The following A4GALT variants were observed in gnomAD, a reference collection of about 807,000 sequenced individuals.
A4GALT encodes the protein alpha 1,4-galactosyltransferase (P1PK blood group), also known as lactosylceramide 4-alpha-galactosyltransferase.
For missense variants in A4GALT, 512 were observed against 486.0 expected (o/e 1.05, Z -0.50); for synonymous variants, 257 against 220.7 (o/e 1.16, Z -1.46).
Position 42,694,014 on chromosome 22 carries a change from C to G in A4GALT, c.-46-17G>C. On this transcript the variant is annotated splice_polypyrimidine_tract_variant and intron_variant, in intron 2 of 2. Transcript: ENST00000642412. The stretch of plus-strand genomic sequence containing the variant: ...CCGGCTGGTCTGCAAGAGATGAGCA[C>G]CCGCCATCAGGGAGGCCGTTGGCAT... 2.8e-6 allele frequency: 4 copies of G among 1,421,156 alleles called. No homozygotes were observed. Among genetic ancestry groups the G allele is most frequent in the Non-Finnish European group, 3.9e-6 (4 of 1,038,562 alleles). The allele number at this position is 1,421,156 out of a possible 1,614,324, so 88.0% of individuals were successfully genotyped here.
intron 1 of A4GALT, among the ~76,000 whole-genome samples, chr22:42,714,868 G>T (rs1275944912): frequency 1.3e-5 from 2 of 152,190 alleles, no homozygotes; most frequent in African/African-American, 4.8e-5. Flanking sequence ...ACTACATACA[G>T]TTGGGTTAGG....
At chr22:42,696,277 G>A (rs1304139738) in intron 1 of A4GALT, among the ~76,000 whole-genome samples, 4 of 149,920 alleles carry the variant, frequency 2.7e-5, no homozygotes, top group African/African-American at 9.8e-5. Flanking sequence ...AAAATTAGCC[G>A]GGCATGGTGG....
chr22:42,704,068 G>A (rs188295549), intron 1 of A4GALT, among the ~76,000 whole-genome samples: 32 of 152,246 alleles, frequency 2.1e-4, no homozygotes, highest in Admixed American at 1.9e-3. Flanking sequence ...ACCCTGCTTG[G>A]AGGACCAAGT....
In A4GALT at chr22:42,693,813, TG is replaced by T; in HGVS notation, c.138del (p.Lys47ArgfsTer18). ...IMIYWHVVGE[P>X]KEKGQLYNLP... ...AGGTTATAGAGCTGCCCTTTCTCCT[TG>T]GGCTCTCCCACAACGTGCCAGTAGA... On this transcript the variant is annotated frameshift_variant, in exon 3 of 3. Transcript: ENST00000642412. LOFTEE classifies it low-confidence loss of function (END_TRUNC). 1 of 1,605,488 alleles carries T rather than the reference TG, an allele frequency of 6.2e-7. No individual in the cohort carries two copies. Among genetic ancestry groups the T allele is most frequent in the Non-Finnish European group, 8.5e-7 (1 of 1,176,266 alleles).
intron 1 of A4GALT, among the ~76,000 whole-genome samples, chr22:42,716,867 G>A (rs1247126575): frequency 6.6e-5 from 10 of 152,184 alleles, no homozygotes; most frequent in African/African-American, 1.7e-4. Flanking sequence ...TCTGGGTCCC[G>A]TAACTATATC....
At chr22:42,696,761 A>T (rs990684343) in intron 1 of A4GALT, among the ~76,000 whole-genome samples, 1 of 151,648 alleles carries the variant, frequency 6.6e-6, no homozygotes, top group Non-Finnish European at 1.5e-5. Flanking sequence ...ACTGGGCCCC[A>T]TGTGTCCCCC....
intron 1 of A4GALT, among the ~76,000 whole-genome samples, chr22:42,720,122 C>T (rs1286702416): frequency 2.6e-5 from 4 of 152,300 alleles, no homozygotes; most frequent in Admixed American, 2.6e-4. Flanking sequence ...CCTCAACCTT[C>T]CCCAGCTGGA....
chr22:42,692,882 C>A lies in A4GALT; in HGVS notation c.*8G>T, dbSNP rs781133686. On this transcript the variant is annotated 3_prime_UTR_variant, in exon 3 of 3. Transcript: ENST00000642412. The surrounding 1 kb of genome is among the most constrained non-coding windows in gnomAD (Gnocchi z 4.6). ...GGAGCAGGTTGGGGAGGTGACCTGG[C>A]GGGCCCCTCACAAGTACATTTTCAT... is the stretch of plus-strand genomic sequence containing the variant. The A allele has an allele frequency of 3.8e-6, 6 of 1,599,490 alleles. No individual in the cohort carries two copies. The East Asian group carries it at 1.3e-4, about 36-fold the overall frequency.
Position 42,693,792 on chromosome 22 carries a change from T to A in A4GALT, c.160A>T (p.Asn54Tyr). The A allele has an allele frequency of 6.2e-7, 1 of 1,602,088 alleles. No homozygotes were observed. Among genetic ancestry groups the A allele is most frequent in the Non-Finnish European group, 8.5e-7 (1 of 1,174,502 alleles). Residue 54 changes from asparagine (N) to tyrosine (Y), a missense_variant, in exon 3 of 3, where the codon AAC becomes TAC. Asn to Tyr is a moderately radical substitution (Grantham distance 143). Coordinates refer to ENST00000642412, the MANE Select transcript of A4GALT (RefSeq NM_017436.7). ...GEPKEKGQLY[N>Y]LPAEIPCPTL... ...GGGCAGGGGATCTCTGCTGGCAGGT[T>A]ATAGAGCTGCCCTTTCTCCTTGGGC...
chr22:42,697,906 C>T (rs1031616748), intron 1 of A4GALT, among the ~76,000 whole-genome samples: 5 of 152,180 alleles, frequency 3.3e-5, no homozygotes, highest in African/African-American at 7.2e-5. Context: ...TGGCTCCCAT[C>T]GCCAGGATTC....
At chr22:42,716,687 G>T (rs201627949) in intron 1 of A4GALT, among the ~76,000 whole-genome samples, 2 of 152,178 alleles carry the variant, frequency 1.3e-5, no homozygotes, top group East Asian at 3.8e-4. Flanking sequence ...TGGCCAAGAG[G>T]AGGTGCTTGA....
intron 1 of A4GALT, among the ~76,000 whole-genome samples, chr22:42,716,158 T>C (rs950680489): frequency 4.6e-5 from 7 of 152,080 alleles, no homozygotes; most frequent in Non-Finnish European, 7.3e-5. Flanking sequence ...AATCTTCAGA[T>C]ATGGAGCCCT....
intron 1 of A4GALT, among the ~76,000 whole-genome samples, chr22:42,706,239 C>A (rs1425319362): frequency 6.7e-6 from 1 of 148,844 alleles, no homozygotes; most frequent in South Asian, 2.1e-4. Context: ...CCTATAGTCC[C>A]AGTTACTCGG....
chr22:42,710,391 A>G (rs985936033), intron 1 of A4GALT, among the ~76,000 whole-genome samples: 1 of 152,176 alleles, frequency 6.6e-6, no homozygotes, highest in African/African-American at 2.4e-5. Context: ...AAACTTAACA[A>G]AAGATATTAA....
At chr22:42,711,874 C>T (rs538764175) in intron 1 of A4GALT, among the ~76,000 whole-genome samples, 6 of 152,166 alleles carry the variant, frequency 3.9e-5, no homozygotes, top group Admixed American at 6.5e-5. Context: ...CCACCCACCT[C>T]GGCCTTCCAA....
intron 2 of A4GALT, among the ~76,000 whole-genome samples, 168 bp from the exon 3 acceptor site, chr22:42,694,165 C>T (rs996488236): frequency 3.3e-5 from 5 of 152,382 alleles, no homozygotes; most frequent in Non-Finnish European, 7.3e-5. Flanking sequence ...TGCTCACCTA[C>T]GAAATGGGAG....
rs1296048741 is a variant in A4GALT, at chr22:42,696,121, C to CAAAAAAA, written c.-187-497_-187-491dup. Among the ~76,000 whole-genome samples the CAAAAAAA allele has an allele frequency of 3.2e-4, 17 of 53,906 alleles. 1 individual carries two copies. The highest frequency in any genetic ancestry group is 3.6e-4 in the African/African-American group (4 of 11,172). 35.4% of individuals were successfully genotyped at this position (53,906 alleles called of 152,430 possible). ...TGGGTGACAGAGCCAGACTCTATCT[C>CAAAAAAA]AAAAAAAAAAAAAAAAAAGCCAGGC... On this transcript the variant is annotated intron_variant, in intron 1 of 2. Transcript: ENST00000642412.
intron 1 of A4GALT, among the ~76,000 whole-genome samples, chr22:42,703,046 A>T (rs1386185593): frequency 2.0e-5 from 3 of 146,630 alleles, no homozygotes; most frequent in Non-Finnish European, 4.4e-5. Context: ...TGGCTGGCAC[A>T]TGCTGCCCTG....
At chr22:42,720,946 G>A (rs1384537127), upstream of A4GALT, 1 of 139,722 alleles carries the variant, frequency 7.2e-6, no homozygotes, top group Non-Finnish European at 1.6e-5. Context: ...CGCCCGTCCC[G>A]ACCTACCCTG....
Sources: allele counts gnomAD v4.1 joint callset (sites outside exome capture counted in the v4.1 genomes callset), GRCh38; gene constraint gnomAD v4.1.1; non-coding constraint Gnocchi (gnomAD v3.1); transcripts MANE v1.5; gene names NCBI Gene and HGNC (gene_info 2026-07-23, HGNC 2026-07-21).